EPSTI1: variants seen among roughly 807,000 people sequenced by gnomAD.
EPSTI1 encodes the protein epithelial-stromal interaction protein 1.
In EPSTI1, 66 loss-of-function variants were observed where a neutral mutation model predicts 49.9. The observed-to-expected ratio is 1.32, with a 90% CI of 1.08 to 1.62. The LOEUF is 1.62. Ranked by LOEUF, EPSTI1 falls within the 40% of genes most tolerant of loss-of-function variation. The pLI is 0.00. For missense variants in EPSTI1, 394 were observed against 365.5 expected, an observed-to-expected ratio of 1.08 and a Z score of -0.64; for synonymous variants, 137 against 130.7, an observed-to-expected ratio of 1.05 and a Z score of -0.33.
intron 9 of EPSTI1, among the ~76,000 whole-genome samples, chr13:42,899,146 C>A (rs1398215943): frequency 6.6e-6 from 1 of 150,454 alleles, no homozygotes; most frequent in South Asian, 2.1e-4. Flanking sequence ...TGCAGTGAGC[C>A]GAGATCCTGC....
rs56259281 is a variant in EPSTI1, at chr13:42,983,563, C to CAAAAAAAAAAAA, written c.188+8403_188+8414dup. Among the ~76,000 whole-genome samples, 256 of 95,442 alleles carry CAAAAAAAAAAAA rather than the reference C, an allele frequency of 2.7e-3. 5 individuals are homozygous for CAAAAAAAAAAAA. The highest frequency in any genetic ancestry group is 4.7e-3 in the African/African-American group (86 of 18,298). The allele number at this position is 95,442 out of a possible 152,430, so 62.6% of individuals were successfully genotyped here. A position where few individuals can be genotyped will look rare whatever the true frequency, so the allele number is the denominator to read the frequency against. Reference sequence around the variant, plus strand: ...TGGGCAACAGAGCGAGACTCCATCTCAAAAAAAAAAAAAAAAAAAAAAAAA... The same window carrying CAAAAAAAAAAAA: ...TGGGCAACAGAGCGAGACTCCATCTCAAAAAAAAAAAAAAAAAAAAAAAAAAAAAAAAAAAAA... On this transcript the variant is annotated intron_variant, in intron 1 of 10. Transcript: ENST00000313624.
intron 8 of EPSTI1, among the ~76,000 whole-genome samples, chr13:42,901,053 C>T (rs1451814286): frequency 1.3e-5 from 2 of 152,070 alleles, no homozygotes; most frequent in Admixed American, 6.6e-5. Flanking sequence ...CAGTATTATA[C>T]CGAAGAACCA....
At chr13:42,968,327 G>A (rs373004187) in intron 3 of EPSTI1, among the ~76,000 whole-genome samples, 157 of 146,850 alleles carry the variant, frequency 1.1e-3, no homozygotes, top group South Asian at 4.0e-3. Flanking sequence ...GTTCTTGGTG[G>A]GGGGGCAGGG....
chr13:42,909,754 A>G (rs1481506483), intron 8 of EPSTI1, among the ~76,000 whole-genome samples: 1 of 152,176 alleles, frequency 6.6e-6, no homozygotes, highest in Non-Finnish European at 1.5e-5. Context: ...GAGTAGAATC[A>G]TGGTTACCAG....
At chr13:42,971,356 C>T (rs1388834115) in intron 1 of EPSTI1, among the ~76,000 whole-genome samples, 1 of 152,172 alleles carries the variant, frequency 6.6e-6, no homozygotes, top group Non-Finnish European at 1.5e-5. Flanking sequence ...AAGCCCCTGG[C>T]ACAGTGTCTG....
intron 6 of EPSTI1, among the ~76,000 whole-genome samples, chr13:42,947,245 T>G: frequency 6.6e-6 from 1 of 152,172 alleles, no homozygotes; most frequent in African/African-American, 2.4e-5. Context: ...TTTTACTACC[T>G]GTACTTTTAA....
intron 6 of EPSTI1, chr13:42,934,506 T>G (rs1457371394): frequency 1.3e-5 from 2 of 152,486 alleles, no homozygotes; most frequent in African/African-American, 4.8e-5. Context: ...TTGGTGGTAT[T>G]GTTGGATTTG....
At chr13:42,971,620 A>AT (rs1356664069) in intron 1 of EPSTI1, among the ~76,000 whole-genome samples, 3 of 151,702 alleles carry the variant, frequency 2.0e-5, no homozygotes, top group African/African-American at 7.3e-5. Context: ...GAGGGAGGGA[A>AT]AAAACCCCAC....
intron 6 of EPSTI1, among the ~76,000 whole-genome samples, chr13:42,931,580 A>G (rs2038375925): frequency 6.6e-6 from 1 of 152,226 alleles, no homozygotes; most frequent in South Asian, 2.1e-4. Flanking sequence ...TCCACAAGAA[A>G]GATATAAACT....
At chr13:42,954,098 C>T in intron 5 of EPSTI1, 77 bp from the exon 6 acceptor site, 1 of 1,273,758 alleles carries the variant, frequency 7.9e-7, no homozygotes. Context: ...TACCCAAGGT[C>T]CAAAATCCTA....
At chr13:42,976,133 GTC>G (rs1412076430) in intron 1 of EPSTI1, among the ~76,000 whole-genome samples, 1 of 152,222 alleles carries the variant, frequency 6.6e-6, no homozygotes, top group Non-Finnish European at 1.5e-5. Context: ...CTGGATCAGA[GTC>G]AAAGACTTTA....
rs1351429371 is a variant in EPSTI1, at chr13:42,945,513, G to C, written c.563+8435C>G. Among the ~76,000 whole-genome samples the C allele has an allele frequency of 2.6e-5, 4 of 152,266 alleles. No individual in the cohort carries two copies. In the East Asian group the frequency reaches 7.7e-4, roughly 29 times the overall value. On this transcript the variant is annotated intron_variant, in intron 6 of 10. Transcript: ENST00000313624. ...CCCCACGGTGTGGCTAAGGAGTCTG[G>C]AATTCATTTTATAGGCAGTAGGAAT...
At chr13:42,970,757 TG>T (rs2039747889) in intron 1 of EPSTI1, 87 bp from the exon 2 acceptor site, 1 of 1,014,972 alleles carries the variant, frequency 9.9e-7, no homozygotes, top group African/African-American at 1.6e-5. Context: ...TCTATTATAC[TG>T]TATTTATGAT....
chr13:42,963,151 G>GAA (rs2039506720), intron 5 of EPSTI1, 104 bp downstream of exon 5: 1 of 913,456 alleles, frequency 1.1e-6, no homozygotes, highest in African/African-American at 1.7e-5. Context: ...AAGAGAGAGA[G>GAA]AGAGAAAGAT....
intron 8 of EPSTI1, among the ~76,000 whole-genome samples, chr13:42,916,035 C>T (rs1026817071): frequency 6.6e-6 from 1 of 151,986 alleles, no homozygotes; most frequent in Non-Finnish European, 1.5e-5. Flanking sequence ...ATATCTACAA[C>T]TGACTTTGCA....
chr13:42,954,030 G>A lies in EPSTI1; in HGVS notation c.490-9C>T. On this transcript the variant is annotated splice_polypyrimidine_tract_variant and intron_variant, in intron 5 of 10. Coordinates refer to ENST00000313624, the MANE Select transcript of EPSTI1 (RefSeq NM_033255.5). ...TCCTCCAGTTTATTGCTCTGAAATTGCAAATATCAAAACATAACTTATTAA... is the reference window on the plus strand; with the variant it reads ...TCCTCCAGTTTATTGCTCTGAAATTACAAATATCAAAACATAACTTATTAA... 1.9e-6 allele frequency: 3 copies of A among 1,606,236 alleles called. No individual in the cohort carries two copies. The highest frequency in any genetic ancestry group is 2.6e-6 in the Non-Finnish European group (3 of 1,176,382).
intron 8 of EPSTI1, among the ~76,000 whole-genome samples, chr13:42,902,289 C>T (rs1229644287): frequency 3.3e-5 from 5 of 151,686 alleles, no homozygotes; most frequent in Non-Finnish European, 7.4e-5. Flanking sequence ...CCTGTAGCTC[C>T]TCATTCAAGT....
chr13:42,897,183 C>A (rs375560294), intron 9 of EPSTI1, among the ~76,000 whole-genome samples: 1 of 152,080 alleles, frequency 6.6e-6, no homozygotes, highest in Non-Finnish European at 1.5e-5. Flanking sequence ...ACTTGCTCTT[C>A]CCCTCTTCGT....
chr13:42,919,257 C>T (rs781319391), intron 7 of EPSTI1: 11 of 1,603,338 alleles, frequency 6.9e-6, no homozygotes, highest in South Asian at 5.5e-5. Flanking sequence ...GGCATCCAAA[C>T]TTATGAAAAG....
Sources: allele counts gnomAD v4.1 joint callset (sites outside exome capture counted in the v4.1 genomes callset), GRCh38; gene constraint gnomAD v4.1.1; transcripts MANE v1.5; gene names NCBI Gene and HGNC (gene_info 2026-07-23, HGNC 2026-07-21).